Variants in HERC2 observed in about 807,000 individuals in gnomAD.
The protein encoded by HERC2 is HECT and RLD domain containing E3 ubiquitin protein ligase 2, also known as E3 ubiquitin-protein ligase HERC2.
Under a neutral mutation model 537.7 loss-of-function variants are expected in HERC2, and 102 were observed. The observed-to-expected ratio is 0.19, with a 90% CI of 0.16 to 0.22. The LOEUF is 0.22. Ranked by LOEUF, HERC2 falls within the 10% of genes least tolerant of loss-of-function variation. The probability of loss-of-function intolerance (pLI) is 1.00; values close to 1 mark genes in which losing one functional copy is unlikely to be tolerated. For missense variants in HERC2, 4,236 were observed against 6,198.2 expected (o/e 0.68, Z 10.63); for synonymous variants, 2,224 against 2,466.2 (o/e 0.90, Z 2.91).
intron 2 of HERC2, among the ~76,000 whole-genome samples, chr15:28,315,365 ACTG>A (rs2077053546): frequency 6.6e-6 from 1 of 152,228 alleles, no homozygotes; most frequent in Non-Finnish European, 1.5e-5. Context: ...CACAGCGGAG[ACTG>A]GAGCCGAAGG....
At chr15:28,241,433 G>C (rs1180681583) in intron 23 of HERC2, among the ~76,000 whole-genome samples, 1 of 151,896 alleles carries the variant, frequency 6.6e-6, no homozygotes, top group Admixed American at 6.6e-5. Flanking sequence ...AAATGGTGCA[G>C]CCACTCCGAA....
chr15:28,127,680 G>A (rs960975684), intron 83 of HERC2, among the ~76,000 whole-genome samples: 4 of 152,140 alleles, frequency 2.6e-5, no homozygotes, highest in African/African-American at 9.7e-5. Context: ...AGGTCGAGGC[G>A]TGGGGCATGG....
Position 28,130,330 on chromosome 15 carries a change from T to C in HERC2, c.12663-28A>G, listed in dbSNP as rs554032899. On this transcript the variant is annotated intron_variant, in intron 82 of 92. Transcript: ENST00000261609. ...GCACACAAAGGAAGCATGGAAATTATGGGGCAAGGTGATCTCACTGACCAC... is the reference window on the plus strand; with the variant it reads ...GCACACAAAGGAAGCATGGAAATTACGGGGCAAGGTGATCTCACTGACCAC... 13 of 1,613,758 alleles carry C rather than the reference T, an allele frequency of 8.1e-6. No individual in the cohort carries two copies. The South Asian group carries it at 1.2e-4, about 15-fold the overall frequency.
rs529387911 is a variant in HERC2 at position 28,165,684 on chromosome 15, G to A, written c.10554+2003C>T. On this transcript the variant is annotated intron_variant, in intron 68 of 92. Coordinates refer to ENST00000261609, the MANE Select transcript of HERC2 (RefSeq NM_004667.6). ...TAGCCAGGTATGGTGGTGCATGCTT[G>A]TAGTTCCAGCTACTTGGGAGGCTGA... 8.5e-5 allele frequency among the ~76,000 whole-genome samples: 13 copies of A among 152,100 alleles called. No homozygotes were observed. The South Asian group carries it at 2.5e-3, about 29-fold the overall frequency.
intron 88 of HERC2, among the ~76,000 whole-genome samples, chr15:28,116,222 CTTTTT>C (rs11365574): frequency 4.0e-5 from 5 of 126,498 alleles, no homozygotes; most frequent in Non-Finnish European, 5.3e-5. Flanking sequence ...TTTTCTTTTT[CTTTTT>C]TTTTTTTTTT....
At chr15:28,173,374 T>C (rs1894879288) in intron 65 of HERC2, among the ~76,000 whole-genome samples, 3 of 150,052 alleles carry the variant, frequency 2.0e-5, no homozygotes, top group African/African-American at 4.8e-5. Context: ...CTTAAGATAC[T>C]ATTCAACAAT....
chr15:28,122,475 C>T lies in HERC2; in HGVS notation c.13189-1046G>A, dbSNP rs1889028715. 6.6e-6 allele frequency among the ~76,000 whole-genome samples: 1 copy of T among 152,202 alleles called. No individual in the cohort carries two copies. Among genetic ancestry groups the T allele is most frequent in the South Asian group, 2.1e-4 (1 of 4,834 alleles). ...AGGCAGGAGGTGAGGGCCCCAAGCGCCAGAGGAGACCCAGAAAGGGTATCC... is the reference window on the plus strand; with the variant it reads ...AGGCAGGAGGTGAGGGCCCCAAGCGTCAGAGGAGACCCAGAAAGGGTATCC... On this transcript the variant is annotated intron_variant, in intron 85 of 92. Transcript: ENST00000261609. This position sits in a 1 kb window ranked among gnomAD's most constrained non-coding sequence, Gnocchi z 4.1.
chr15:28,157,296 T>C (rs1259854967), intron 69 of HERC2, among the ~76,000 whole-genome samples: 3 of 152,356 alleles, frequency 2.0e-5, no homozygotes, highest in Admixed American at 6.5e-5. Flanking sequence ...TTTCTATTGA[T>C]TGGAATAGTT....
chr15:28,294,007 A>G (rs2076393376), intron 3 of HERC2, among the ~76,000 whole-genome samples: 1 of 152,244 alleles, frequency 6.6e-6, no homozygotes, highest in Non-Finnish European at 1.5e-5. Flanking sequence ...ATGTATCTCA[A>G]TCGGTGAAAG....
chr15:28,184,658 G>A (rs561221818), intron 56 of HERC2, among the ~76,000 whole-genome samples: 21 of 151,900 alleles, frequency 1.4e-4, no homozygotes, highest in Admixed American at 5.9e-4. Context: ...TCAGGAGATC[G>A]AGATCATCCT....
At chr15:28,174,266 G>A (rs867780719) in intron 65 of HERC2, 129 bp downstream of exon 65, 1 of 676,952 alleles carries the variant, frequency 1.5e-6, no homozygotes, top group Non-Finnish European at 2.5e-6. Flanking sequence ...TAATTCTTCT[G>A]TGTCTTTAGA....
intron 23 of HERC2, among the ~76,000 whole-genome samples, chr15:28,244,244 T>C (rs892765604): frequency 6.6e-6 from 1 of 152,160 alleles, no homozygotes; most frequent in Admixed American, 6.5e-5. Context: ...ATGAATAGGT[T>C]GTTGTATATT....
intron 72 of HERC2, 98 bp downstream of exon 72, chr15:28,144,575 T>A (rs1291093050): frequency 1.3e-6 from 2 of 1,521,372 alleles, no homozygotes; most frequent in African/African-American, 1.4e-5. Context: ...GAAGGCAGGC[T>A]GTCAGGCACT....
chr15:28,187,987 AC>A (rs1896476450), intron 55 of HERC2, among the ~76,000 whole-genome samples: 1 of 152,104 alleles, frequency 6.6e-6, no homozygotes, highest in Non-Finnish European at 1.5e-5. Flanking sequence ...TGCCTAAACG[AC>A]CTGCTCAAAC....
chr15:28,229,216 T>C lies in HERC2; in HGVS notation c.5251A>G (p.Ser1751Gly). The C allele has an allele frequency of 6.2e-7, 1 of 1,612,964 alleles. No individual in the cohort carries two copies. Among genetic ancestry groups the C allele is most frequent in the Non-Finnish European group, 8.5e-7 (1 of 1,179,802 alleles). ...TCACCAAGCTCTTTAAATTTGGCAC[T>C]GGCATCCATCAAAACATTTCGAATG... ...QNIRNVLMDASAKFKELGIQP... is the reference protein window; with the variant it reads ...QNIRNVLMDAGAKFKELGIQP... The change falls in exon 34 of 93, where the codon AGT (serine) becomes GGT (glycine). Residue 1751 changes from serine (S) to glycine (G), a missense_variant. Transcript: ENST00000261609.
At chr15:28,203,499 T>C (rs943380280) in intron 45 of HERC2, 3 of 152,118 alleles carry the variant, frequency 2.0e-5, no homozygotes, top group Admixed American at 6.5e-5. Context: ...TAGGATGCAC[T>C]GGACTAACCT....
intron 74 of HERC2, 114 bp from the exon 75 acceptor site, chr15:28,143,066 C>T: frequency 1.2e-6 from 1 of 827,564 alleles, no homozygotes; most frequent in Non-Finnish European, 1.7e-6. Flanking sequence ...TCTAAAAAAA[C>T]TAAAAAAAAA....
At chr15:28,237,204 C>T (rs1338478831) in intron 25 of HERC2, 91 bp from the exon 26 acceptor site, 20 of 1,244,042 alleles carry the variant, frequency 1.6e-5, no homozygotes, top group East Asian at 7.1e-5. Flanking sequence ...CAGCTGTAAC[C>T]GCACGTGAGC....
chr15:28,272,510 A>G (rs2075763245), intron 8 of HERC2, 124 bp from the exon 9 acceptor site: 1 of 878,428 alleles, frequency 1.1e-6, no homozygotes, highest in African/African-American at 1.7e-5. Context: ...AAAGGAAACT[A>G]AACTAAAGCC....
Sources: allele counts gnomAD v4.1 joint callset (sites outside exome capture counted in the v4.1 genomes callset), GRCh38; gene constraint gnomAD v4.1.1; non-coding constraint Gnocchi (gnomAD v3.1); transcripts MANE v1.5; gene names NCBI Gene and HGNC (gene_info 2026-07-23, HGNC 2026-07-21).